The following KHDRBS3 variants were observed in gnomAD, a reference collection of about 807,000 sequenced individuals.
KHDRBS3 encodes KH domain-containing, RNA-binding, signal transduction-associated protein 3.
Under a neutral mutation model 45.6 loss-of-function variants are expected in KHDRBS3, and 23 were observed. The ratio of observed to expected loss-of-function variants is 0.50; its 90% CI spans 0.36 to 0.72. The LOEUF (loss-of-function observed/expected upper bound fraction) is 0.72, where lower values mean the gene tolerates loss of function less well. Ranked by LOEUF, KHDRBS3 falls within the 30% of genes least tolerant of loss-of-function variation. The probability of loss-of-function intolerance (pLI) is 0.00; values close to 1 mark genes in which losing one functional copy is unlikely to be tolerated. For missense variants in KHDRBS3, 352 were observed against 424.8 expected, an observed-to-expected ratio of 0.83 and a Z score of 1.51; for synonymous variants, 162 against 156.5, an observed-to-expected ratio of 1.04 and a Z score of -0.26.
intron 7 of KHDRBS3, among the ~76,000 whole-genome samples, chr8:135,631,141 C>T (rs1388052451): frequency 6.7e-6 from 1 of 150,086 alleles, no homozygotes. Context: ...ATCCCAACTA[C>T]ACAGGAGGCT....
intron 8 of KHDRBS3, among the ~76,000 whole-genome samples, chr8:135,645,513 A>T (rs1005267179): frequency 2.6e-5 from 4 of 152,174 alleles, no homozygotes; most frequent in African/African-American, 9.7e-5. Flanking sequence ...CTTCATCTTT[A>T]TGTTTTAATT....
chr8:135,499,155 T>C (rs1486092945), intron 1 of KHDRBS3, among the ~76,000 whole-genome samples: 1 of 152,124 alleles, frequency 6.6e-6, no homozygotes, highest in Non-Finnish European at 1.5e-5. Flanking sequence ...AGGGTAGGTA[T>C]TTTCAGTGTC....
At chr8:135,589,877 C>T (rs893894812) in intron 6 of KHDRBS3, among the ~76,000 whole-genome samples, 1 of 152,204 alleles carries the variant, frequency 6.6e-6, no homozygotes, top group Non-Finnish European at 1.5e-5. Flanking sequence ...TTTCAGCACA[C>T]TTAGTGCAAT....
At chr8:135,515,737 T>C (rs1320128401) in intron 1 of KHDRBS3, among the ~76,000 whole-genome samples, 1 of 152,188 alleles carries the variant, frequency 6.6e-6, no homozygotes, top group Admixed American at 6.5e-5. Flanking sequence ...GCTACCATAT[T>C]AGTCTGTTTT....
intron 6 of KHDRBS3, among the ~76,000 whole-genome samples, chr8:135,595,926 T>C (rs6577651): frequency 0.27 from 40,604 of 151,988 alleles, 5,853 homozygotes; most frequent in East Asian, 0.53. Context: ...GAAAGTCAGC[T>C]TCCAGACTCT....
At chr8:135,612,750 G>T (rs1829756155) in intron 7 of KHDRBS3, among the ~76,000 whole-genome samples, 1 of 151,742 alleles carries the variant, frequency 6.6e-6, no homozygotes, top group East Asian at 1.9e-4. Context: ...AGGGAGCACA[G>T]AGCAGAGGTA....
intron 2 of KHDRBS3, among the ~76,000 whole-genome samples, chr8:135,521,720 G>A (rs1824919295): frequency 6.6e-6 from 1 of 152,048 alleles, no homozygotes; most frequent in African/African-American, 2.4e-5. Context: ...CATTGTTTAT[G>A]TTTTATTTAA....
At chr8:135,583,841 A>C (rs1693577349) in intron 6 of KHDRBS3, among the ~76,000 whole-genome samples, 2 of 152,210 alleles carry the variant, frequency 1.3e-5, no homozygotes, top group African/African-American at 4.8e-5. Context: ...AAAACTGAAA[A>C]ATTCTTGAAA....
intron 3 of KHDRBS3, among the ~76,000 whole-genome samples, chr8:135,547,267 T>G (rs547325927): frequency 2.0e-5 from 3 of 152,310 alleles, no homozygotes; most frequent in Admixed American, 6.5e-5. Flanking sequence ...TTCATTCAGT[T>G]TCTGGCCTAC....
chr8:135,620,647 A>G (rs1461615676), intron 7 of KHDRBS3, among the ~76,000 whole-genome samples: 1 of 152,202 alleles, frequency 6.6e-6, no homozygotes, highest in East Asian at 1.9e-4. Context: ...AAATGGTGCA[A>G]ACAGGACAAT....
chr8:135,472,263 C>T (rs974792855), intron 1 of KHDRBS3, among the ~76,000 whole-genome samples: 2 of 152,118 alleles, frequency 1.3e-5, no homozygotes, highest in Non-Finnish European at 2.9e-5. Context: ...CCCTCTGTCA[C>T]GGAAGAGTTA....
At chr8:135,602,335 A>G (rs1829254371) in intron 6 of KHDRBS3, among the ~76,000 whole-genome samples, 1 of 152,196 alleles carries the variant, frequency 6.6e-6, no homozygotes, top group African/African-American at 2.4e-5. Flanking sequence ...AGTACAAAAT[A>G]TTCACCACCA....
intron 1 of KHDRBS3, among the ~76,000 whole-genome samples, chr8:135,469,913 C>T (rs1821927485): frequency 6.6e-6 from 1 of 152,184 alleles, no homozygotes; most frequent in Middle Eastern, 3.2e-3. Flanking sequence ...TACATCGCAG[C>T]CGATGCCAGC....
intron 7 of KHDRBS3, among the ~76,000 whole-genome samples, chr8:135,617,007 A>G (rs1364016063): frequency 1.3e-5 from 2 of 152,008 alleles, no homozygotes; most frequent in Non-Finnish European, 2.9e-5. Context: ...AAATCCACAA[A>G]AGCTTGGACT....
Position 135,588,727 on chromosome 8 carries a change from A to T in KHDRBS3, c.807+6654A>T, listed in dbSNP as rs375192090. 2.4e-4 allele frequency among the ~76,000 whole-genome samples: 37 copies of T among 152,236 alleles called. No homozygotes were observed. In the East Asian group the frequency reaches 3.5e-3, roughly 14 times the overall value. On this transcript the variant is annotated intron_variant, in intron 6 of 8. Transcript: ENST00000355849. ...CTTAGAGAATTCCAGGGGTTTTAGGAGCTGTGAGCCAGGAGCTGTGGAAGA... is the reference window on the plus strand; with the variant it reads ...CTTAGAGAATTCCAGGGGTTTTAGGTGCTGTGAGCCAGGAGCTGTGGAAGA...
intron 7 of KHDRBS3, among the ~76,000 whole-genome samples, chr8:135,623,318 T>C (rs1399695636): frequency 1.3e-5 from 2 of 152,216 alleles, no homozygotes; most frequent in African/African-American, 4.8e-5. Context: ...ACAGTAAAAA[T>C]ACTGAAGCTT....
intron 2 of KHDRBS3, among the ~76,000 whole-genome samples, chr8:135,524,111 A>T (rs1449517453): frequency 1.3e-5 from 2 of 151,912 alleles, no homozygotes; most frequent in African/African-American, 4.8e-5. Context: ...CATCTCCTGG[A>T]TTCAAGTGAT....
At chr8:135,603,207 C>T (rs1829296681) in intron 6 of KHDRBS3, among the ~76,000 whole-genome samples, 2 of 152,194 alleles carry the variant, frequency 1.3e-5, no homozygotes, top group African/African-American at 4.8e-5. Flanking sequence ...AGCTGTCTCC[C>T]ACTACACCTC....
intron 5 of KHDRBS3, among the ~76,000 whole-genome samples, chr8:135,571,364 C>G (rs1360902318): frequency 6.6e-6 from 1 of 152,180 alleles, no homozygotes; most frequent in East Asian, 1.9e-4. Flanking sequence ...TAGTTTTACT[C>G]AAAACCTCTT....
Sources: gnomAD v4.1 joint callset for allele counts (sites outside exome capture counted in the v4.1 genomes callset) on GRCh38, gnomAD v4.1.1 for gene constraint, MANE v1.5 for transcripts, NCBI Gene and HGNC (gene_info 2026-07-23, HGNC 2026-07-21) for gene names.